ZHX3: variants seen among roughly 807,000 people sequenced by gnomAD.
ZHX3 encodes the protein zinc fingers and homeoboxes 3, also known as zinc fingers and homeoboxes protein 3.
Under a neutral mutation model 64.5 loss-of-function variants are expected in ZHX3, and 20 were observed. That is an observed-to-expected ratio of 0.31 (90% CI 0.22 to 0.45). The LOEUF is 0.45. Among genes scored for constraint, ZHX3 ranks in the 20% least tolerant of loss-of-function variants. The pLI, the probability that ZHX3 is intolerant of heterozygous loss-of-function variation, is 1.00. For missense variants in ZHX3, 1,041 were observed against 1,195.8 expected, an observed-to-expected ratio of 0.87 and a Z score of 1.91; for synonymous variants, 423 against 461.6, an observed-to-expected ratio of 0.92 and a Z score of 1.07.
chr20:41,254,122 T>C (rs1465253571), intron 2 of ZHX3, among the ~76,000 whole-genome samples: 1 of 151,980 alleles, frequency 6.6e-6, no homozygotes, highest in African/African-American at 2.4e-5. Flanking sequence ...CTGTCTCTAC[T>C]GGAAGGAGGG....
At chr20:41,197,999 C>CTTTTTT (rs11478855) in intron 3 of ZHX3, among the ~76,000 whole-genome samples, 58 of 110,344 alleles carry the variant, frequency 5.3e-4, no homozygotes, top group Non-Finnish European at 7.0e-4. Flanking sequence ...AACTAGTGCT[C>CTTTTTT]TTTTTTTTTT....
chr20:41,243,102 T>C (rs2041485377), intron 2 of ZHX3, among the ~76,000 whole-genome samples: 1 of 152,210 alleles, frequency 6.6e-6, no homozygotes, highest in African/African-American at 2.4e-5. Context: ...GGTATGCTTC[T>C]AGGTTCCCAG....
In ZHX3 at chr20:41,224,946, T is replaced by A. The variant is rs1568852944; in HGVS notation, c.-150-19880A>T. Reference sequence around the variant, plus strand: ...CTTCATCTGATTCTTTTCCTGCTTATTGTCTTTCACTTTGGCTAGGCTGTA... The same window carrying A: ...CTTCATCTGATTCTTTTCCTGCTTAATGTCTTTCACTTTGGCTAGGCTGTA... On this transcript the variant is annotated intron_variant, in intron 2 of 3. Coordinates refer to ENST00000683867, the MANE Select transcript of ZHX3 (RefSeq NM_001384317.1). The surrounding 1 kb of genome is among the most constrained non-coding windows in gnomAD (Gnocchi z 5.2). Among the ~76,000 whole-genome samples the A allele has an allele frequency of 6.6e-6, 1 of 152,260 alleles. No homozygotes were observed. The highest frequency in any genetic ancestry group is 1.5e-5 in the Non-Finnish European group (1 of 68,044).
At chr20:41,262,426 T>C (rs2042608996) in intron 2 of ZHX3, among the ~76,000 whole-genome samples, 1 of 152,226 alleles carries the variant, frequency 6.6e-6, no homozygotes, top group Admixed American at 6.5e-5. Context: ...GTGATGTACC[T>C]GTGCACCTTC....
At chr20:41,233,553 C>G (rs2040765816) in intron 2 of ZHX3, among the ~76,000 whole-genome samples, 3 of 152,206 alleles carry the variant, frequency 2.0e-5, no homozygotes, top group Non-Finnish European at 4.4e-5. Flanking sequence ...TGCTAAGCAA[C>G]TGGTATGTCC....
At chr20:41,257,857 C>T (rs1600530588) in intron 2 of ZHX3, among the ~76,000 whole-genome samples, 1 of 145,662 alleles carries the variant, frequency 6.9e-6, no homozygotes, top group East Asian at 1.9e-4. Flanking sequence ...GTGATCTGCC[C>T]ACCTTGGCCT....
chr20:41,312,308 G>C (rs1241238388), intron 1 of ZHX3, among the ~76,000 whole-genome samples: 3 of 152,144 alleles, frequency 2.0e-5, no homozygotes, highest in African/African-American at 7.2e-5. Context: ...ACATGGACAG[G>C]GACAAATAAG....
intron 1 of ZHX3, among the ~76,000 whole-genome samples, chr20:41,300,922 G>A (rs780686158): frequency 2.0e-5 from 3 of 152,178 alleles, no homozygotes; most frequent in South Asian, 2.1e-4. Context: ...GGCAGAAGTC[G>A]CTCACAGTGT....
In ZHX3 at chr20:41,219,175, C is replaced by T. The variant is rs113243772; in HGVS notation, c.-150-14109G>A. On this transcript the variant is annotated intron_variant, in intron 2 of 3. Transcript: ENST00000683867. The surrounding 1 kb of genome is among the most constrained non-coding windows in gnomAD (Gnocchi z 5.0). Reference sequence around the variant, plus strand: ...CGATCTCCTGACCTCGTGATCCACACGCCTCCGCCTCCCAAAGTGCTGGGA... The same window carrying T: ...CGATCTCCTGACCTCGTGATCCACATGCCTCCGCCTCCCAAAGTGCTGGGA... 6.8e-4 allele frequency among the ~76,000 whole-genome samples: 103 copies of T among 152,160 alleles called. 1 individual carries two copies. The highest frequency in any genetic ancestry group is 2.8e-4 in the Non-Finnish European group (19 of 67,976).
intron 1 of ZHX3, chr20:41,317,083 T>TGCACACGCGGAAC (rs1269127557): frequency 6.6e-6 from 1 of 152,412 alleles, no homozygotes; most frequent in African/African-American, 2.4e-5. Flanking sequence ...GGCTCTCGGG[T>TGCACACGCGGAAC]GCACACGCGG....
At chr20:41,302,053 CAAAAAAAAA>C (rs555883542) in intron 1 of ZHX3, among the ~76,000 whole-genome samples, 24 of 62,376 alleles carry the variant, frequency 3.8e-4, no homozygotes, top group South Asian at 3.2e-3. Context: ...GACTCCATCT[CAAAAAAAAA>C]AAAAAAAAAA....
intron 2 of ZHX3, among the ~76,000 whole-genome samples, chr20:41,263,730 G>C (rs1269827763): frequency 6.6e-6 from 1 of 151,976 alleles, no homozygotes; most frequent in African/African-American, 2.4e-5. Flanking sequence ...AAATAAATTA[G>C]ATATTTTGAA....
intron 2 of ZHX3, among the ~76,000 whole-genome samples, chr20:41,242,058 G>A (rs192414806): frequency 2.6e-5 from 4 of 152,108 alleles, no homozygotes; most frequent in Admixed American, 2.6e-4. Context: ...GCTACTAGAT[G>A]CTCAGCTCTA....
intron 1 of ZHX3, among the ~76,000 whole-genome samples, chr20:41,280,494 A>T (rs2043622023): frequency 6.6e-6 from 1 of 152,222 alleles, no homozygotes; most frequent in African/African-American, 2.4e-5. Flanking sequence ...CATTTCAAAG[A>T]TCTATGGAGA....
rs1259059523 is a variant in ZHX3 at position 41,246,415 on chromosome 20, C to T, written c.-151+22575G>A. Among the ~76,000 whole-genome samples, 7 of 152,342 alleles carry T rather than the reference C, an allele frequency of 4.6e-5. No individual in the cohort carries two copies. In the South Asian group the frequency reaches 8.3e-4, roughly 18 times the overall value. On this transcript the variant is annotated intron_variant, in intron 2 of 3. Transcript: ENST00000683867. ...AATTACATTTATTTAAGCATACTCACTCACTCATACTTTTTGCCAATTTGG... is the reference window on the plus strand; with the variant it reads ...AATTACATTTATTTAAGCATACTCATTCACTCATACTTTTTGCCAATTTGG...
intron 1 of ZHX3, among the ~76,000 whole-genome samples, chr20:41,316,029 C>T (rs1430619427): frequency 6.6e-6 from 1 of 150,476 alleles, no homozygotes; most frequent in Non-Finnish European, 1.5e-5. Context: ...AAAAAACAAA[C>T]TCAAAACCAA....
In ZHX3 at chr20:41,204,953, G is replaced by A. The variant is rs1231932593; in HGVS notation, c.-37C>T. ...CTGGGTGATCAGCAGTTGAGAGCTT[G>A]TCCCATAAGGGGCCTAACAATACAA... On this transcript the variant is annotated 5_prime_UTR_variant, in exon 3 of 4. The change creates a premature stop within an existing upstream ORF in the 5' untranslated region. Coordinates refer to ENST00000683867, the MANE Select transcript of ZHX3 (RefSeq NM_001384317.1). The surrounding 1 kb of genome is among the most constrained non-coding windows in gnomAD (Gnocchi z 6.6). The A allele has an allele frequency of 6.6e-7, 1 of 1,508,946 alleles. No homozygotes were observed. The allele number at this position is 1,508,946 out of a possible 1,614,324, so 93.5% of individuals were successfully genotyped here.
rs746865191 is a variant in ZHX3, at chr20:41,203,574, G to A, written c.1343C>T (p.Thr448Ile). 1.5e-5 allele frequency: 24 copies of A among 1,614,130 alleles called. No homozygotes were observed. The Admixed American group carries it at 3.7e-4, about 25-fold the overall frequency. ...ATSSPLPLTV[T>I]SVPKQPGVAP... is the part of the protein sequence containing the mutation. The stretch of plus-strand genomic sequence containing the variant: ...CACACCTGGCTGCTTGGGGACGGAT[G>A]TCACCGTGAGGGGGAGAGGGGAACT... The change falls in exon 3 of 4, where the codon ACA (threonine) becomes ATA (isoleucine). Residue 448 changes from threonine to isoleucine, a missense_variant. Around this residue, in one of 4 missense-constraint regions of ZHX3, gnomAD observed 649 missense variants for 739.8 expected, o/e 0.88. Transcript: ENST00000683867. The surrounding 1 kb of genome is among the most constrained non-coding windows in gnomAD (Gnocchi z 7.1).
intron 1 of ZHX3, among the ~76,000 whole-genome samples, chr20:41,316,697 A>C (rs2045298016): frequency 6.6e-6 from 1 of 152,250 alleles, no homozygotes; most frequent in Admixed American, 6.5e-5. Flanking sequence ...AGCCCAGGGC[A>C]ATCACTGCTC....
Sources: allele counts gnomAD v4.1 joint callset (sites outside exome capture counted in the v4.1 genomes callset), GRCh38; gene constraint gnomAD v4.1.1; regional missense constraint gnomAD v4.1.1; non-coding constraint Gnocchi (gnomAD v3.1); transcripts MANE v1.5; gene names NCBI Gene and HGNC (gene_info 2026-07-23, HGNC 2026-07-21).